REELD1: variants seen among roughly 807,000 people sequenced by gnomAD.
The protein encoded by REELD1 is reelin domain-containing protein 1.
In REELD1, 12 loss-of-function variants were observed where a neutral mutation model predicts 6.3. The observed-to-expected ratio is 1.89, with a 90% CI of 1.21 to 3.07. The LOEUF (loss-of-function observed/expected upper bound fraction) is 3.07. Ranked by LOEUF, REELD1 falls within the 30% of genes most tolerant of loss-of-function variation. The pLI is 0.00. For missense variants in REELD1, 163 were observed against 86.8 expected, an observed-to-expected ratio of 1.88 and a Z score of -3.49; for synonymous variants, 57 against 33.6, an observed-to-expected ratio of 1.70 and a Z score of -2.42.
intron 5 of REELD1, 48 bp downstream of exon 5, chr4:146,224,656 T>C: frequency 1.4e-6 from 1 of 693,628 alleles, no homozygotes; most frequent in Non-Finnish European, 2.6e-6. Flanking sequence ...TCATTATTTT[T>C]ACAGTTATCT....
chr4:146,224,063 C>A (rs1045525723), intron 4 of REELD1, among the ~76,000 whole-genome samples: 1 of 152,178 alleles, frequency 6.6e-6, no homozygotes. Context: ...ATTATAAGAT[C>A]TTCAAATCAT....
intron 2 of REELD1, 112 bp downstream of exon 2, chr4:146,215,310 A>G (rs1328178579): frequency 6.6e-6 from 1 of 152,248 alleles, no homozygotes; most frequent in Non-Finnish European, 1.5e-5. Context: ...TACACAGTTC[A>G]TCTTCATTAT....
At position 146,222,039 on chromosome 4, in the gene REELD1, A is replaced by G. The variant is rs559680265; in HGVS notation, c.209-318A>G. ...ATCTGTCCAGGGTTCACCTAAACTCATATTTTAAAAAAGTATAGCACACTT... is the reference window on the plus strand; with the variant it reads ...ATCTGTCCAGGGTTCACCTAAACTCGTATTTTAAAAAAGTATAGCACACTT... On this transcript the variant is annotated intron_variant, in intron 3 of 7. Transcript: ENST00000623665. Among the ~76,000 whole-genome samples the G allele has an allele frequency of 3.1e-3, 477 of 152,214 alleles. 1 individual carries two copies. The highest frequency in any genetic ancestry group is 5.5e-3 in the Non-Finnish European group (376 of 68,012).
chr4:146,228,014 C>A (rs1191682976), intron 5 of REELD1, among the ~76,000 whole-genome samples, 196 bp from the exon 6 acceptor site: 1 of 152,112 alleles, frequency 6.6e-6, no homozygotes, highest in Non-Finnish European at 1.5e-5. Context: ...AAGATATAAG[C>A]CCTTGCGTGG....
intron 3 of REELD1, among the ~76,000 whole-genome samples, 156 bp from the exon 4 acceptor site, chr4:146,222,201 T>A (rs927837420): frequency 2.0e-5 from 3 of 152,228 alleles, no homozygotes; most frequent in Non-Finnish European, 2.9e-5. Context: ...GGAATTTATT[T>A]TGGTGTGAAA....
chr4:146,215,650 C>CTTTTT (rs1465971692), intron 2 of REELD1, among the ~76,000 whole-genome samples: 14 of 78,490 alleles, frequency 1.8e-4, no homozygotes, highest in African/African-American at 7.0e-4. Flanking sequence ...CAGGGGAGGG[C>CTTTTT]ATTTTTTTTT....
chr4:146,226,632 C>T (rs923734206), intron 5 of REELD1, among the ~76,000 whole-genome samples: 2 of 152,174 alleles, frequency 1.3e-5, no homozygotes, highest in Admixed American at 6.5e-5. Context: ...GCTCCACCCT[C>T]ATGACTTAAG....
At chr4:146,215,986 C>T (rs532447212) in intron 2 of REELD1, among the ~76,000 whole-genome samples, 11 of 152,212 alleles carry the variant, frequency 7.2e-5, no homozygotes, top group East Asian at 3.9e-4. Flanking sequence ...CCTGTGCTCA[C>T]GCAATCCACC....
At chr4:146,215,807 A>G (rs188571875) in intron 2 of REELD1, among the ~76,000 whole-genome samples, 94 of 150,446 alleles carry the variant, frequency 6.2e-4, no homozygotes, top group African/African-American at 2.2e-3. Context: ...CTGGAGTGCA[A>G]TGGCATGATC....
rs184031575 is a variant in REELD1, at chr4:146,216,413, A to C, written c.-11-529A>C. ...GATATCAAAGCATTGCCAGCTTAAC[A>C]GTCACTTCTAAATAATTGATAGTTG... On this transcript the variant is annotated intron_variant, in intron 2 of 7. Transcript: ENST00000623665. Among the ~76,000 whole-genome samples the C allele has an allele frequency of 3.3e-5, 5 of 152,382 alleles. No individual in the cohort carries two copies. In the East Asian group the frequency reaches 9.6e-4, roughly 29 times the overall value.
intron 4 of REELD1, 96 bp from the exon 5 acceptor site, chr4:146,224,349 C>A: frequency 2.1e-6 from 1 of 475,060 alleles, no homozygotes. Context: ...TCCTCTTTAT[C>A]TGTTAGTGTG....
intron 5 of REELD1, among the ~76,000 whole-genome samples, chr4:146,227,311 G>A (rs1387132328): frequency 6.6e-6 from 1 of 152,146 alleles, no homozygotes; most frequent in African/African-American, 2.4e-5. Context: ...ACGTTTTTGA[G>A]TGTTAAAAAC....
chr4:146,220,195 G>A (rs990340475), intron 3 of REELD1, among the ~76,000 whole-genome samples: 1 of 152,110 alleles, frequency 6.6e-6, no homozygotes, highest in Non-Finnish European at 1.5e-5. Context: ...TGATCCACCC[G>A]CCTCAGCCTC....
chr4:146,223,853 ATACT>A (rs1311143155), intron 4 of REELD1, among the ~76,000 whole-genome samples: 1 of 152,260 alleles, frequency 6.6e-6, no homozygotes, highest in East Asian at 1.9e-4. Flanking sequence ...TGCCTCCTGA[ATACT>A]TAAAGTGGGA....
At chr4:146,220,091 C>T (rs1420097383) in intron 3 of REELD1, among the ~76,000 whole-genome samples, 4 of 152,066 alleles carry the variant, frequency 2.6e-5, no homozygotes, top group Non-Finnish European at 5.9e-5. Flanking sequence ...TACAGGCACC[C>T]ACCACCACAC....
chr4:146,231,277 G>A lies in REELD1; in HGVS notation c.*764G>A, dbSNP rs555116434. On this transcript the variant is annotated 3_prime_UTR_variant, in exon 8 of 8. Transcript: ENST00000623665. ...CCATTTACACTTGATGGAAACATTC[G>A]TGTATCCCAACAGCTAGCAGACATA... Among the ~76,000 whole-genome samples the A allele has an allele frequency of 3.3e-5, 5 of 152,316 alleles. No individual in the cohort carries two copies. The highest frequency in any genetic ancestry group is 4.2e-4 in the South Asian group (2 of 4,816).
chr4:146,221,204 C>T (rs1730917186), intron 3 of REELD1, among the ~76,000 whole-genome samples: 1 of 152,212 alleles, frequency 6.6e-6, no homozygotes, highest in African/African-American at 2.4e-5. Flanking sequence ...GGCCATCCTT[C>T]CCTATGCCCA....
rs1731122960 is a variant in REELD1 at position 146,231,043 on chromosome 4, A to G, written c.*530A>G. ...ACTTGCTAGAGTTCTGATTTGGATG[A>G]CTAGGTGAATGCAAGGGTATTTGGT... is the stretch of plus-strand genomic sequence containing the variant. On this transcript the variant is annotated 3_prime_UTR_variant, in exon 8 of 8. Transcript: ENST00000623665. Among the ~76,000 whole-genome samples the G allele has an allele frequency of 6.6e-6, 1 of 152,246 alleles. No individual in the cohort carries two copies. The highest frequency in any genetic ancestry group is 2.1e-4 in the South Asian group (1 of 4,832).
At chr4:146,216,286 A>G (rs1022700037) in intron 2 of REELD1, among the ~76,000 whole-genome samples, 1 of 152,236 alleles carries the variant, frequency 6.6e-6, no homozygotes, top group African/African-American at 2.4e-5. Context: ...TGTTATCAGT[A>G]TGTTTAAGAA....
Sources: gnomAD v4.1 joint callset for allele counts (sites outside exome capture counted in the v4.1 genomes callset) on GRCh38, gnomAD v4.1.1 for gene constraint, MANE v1.5 for transcripts, NCBI Gene and HGNC (gene_info 2026-07-23, HGNC 2026-07-21) for gene names.